QTMAN: variants seen among roughly 807,000 people sequenced by gnomAD.
QTMAN encodes tRNA-queuosine alpha-mannosyltransferase.
chr2:144,043,631 G>GC, the QTMAN span, among the ~76,000 whole-genome samples: 1 of 135,574 alleles, frequency 7.4e-6, no homozygotes, highest in Non-Finnish European at 1.5e-5. Flanking sequence ...AGACTCCGTC[G>GC]CAAAAAAAAA....
the QTMAN span, chr2:143,938,309 A>G: frequency 6.6e-6 from 1 of 152,210 alleles, no homozygotes; most frequent in African/African-American, 2.4e-5. Context: ...GATTTAAGAT[A>G]CTGGTTAAAC....
the QTMAN span, among the ~76,000 whole-genome samples, chr2:144,205,822 A>C: frequency 6.6e-6 from 1 of 152,238 alleles, no homozygotes; most frequent in Non-Finnish European, 1.5e-5. Context: ...TTAACATTTC[A>C]TAACCCAAAA....
chr2:144,066,224 T>C, the QTMAN span, among the ~76,000 whole-genome samples: 39 of 152,206 alleles, frequency 2.6e-4, no homozygotes, highest in African/African-American at 9.2e-4. Context: ...CTAGGGGAAG[T>C]GTTTGGTACT....
At chr2:144,227,301 A>G in the QTMAN span, among the ~76,000 whole-genome samples, 2 of 152,164 alleles carry the variant, frequency 1.3e-5, no homozygotes, top group African/African-American at 2.4e-5. Flanking sequence ...GTTAAAAGCA[A>G]TCACATTTCT....
the QTMAN span, among the ~76,000 whole-genome samples, chr2:143,980,489 TA>T: frequency 1.3e-5 from 2 of 152,222 alleles, no homozygotes; most frequent in African/African-American, 4.8e-5. Flanking sequence ...AAAAAGTTAG[TA>T]AATTGAATTG....
the QTMAN span, among the ~76,000 whole-genome samples, chr2:144,259,918 C>G: frequency 6.6e-6 from 1 of 152,044 alleles, no homozygotes; most frequent in Admixed American, 6.6e-5. Context: ...AAAACTAAAA[C>G]TAAATAACTG....
At chr2:143,962,335 A>T in the QTMAN span, among the ~76,000 whole-genome samples, 1 of 152,084 alleles carries the variant, frequency 6.6e-6, no homozygotes, top group Non-Finnish European at 1.5e-5. Context: ...TTAAGCAACA[A>T]ATAACACAAG....
chr2:144,113,634 C>A, the QTMAN span, among the ~76,000 whole-genome samples: 1 of 152,174 alleles, frequency 6.6e-6, no homozygotes. Flanking sequence ...GGTAAATCCC[C>A]CAGAATCCAT....
At chr2:144,167,286 C>A in the QTMAN span, among the ~76,000 whole-genome samples, 1 of 152,170 alleles carries the variant, frequency 6.6e-6, no homozygotes, top group African/African-American at 2.4e-5. Context: ...CTCAATCATC[C>A]TCACAGCTTC....
chr2:144,160,346 AAAT>A, the QTMAN span, among the ~76,000 whole-genome samples: 2 of 152,114 alleles, frequency 1.3e-5, no homozygotes, highest in East Asian at 1.9e-4. Context: ...ACAGCAATAA[AAAT>A]AATATTATCC....
chr2:143,953,729 A>G, the QTMAN span, among the ~76,000 whole-genome samples: 4 of 151,862 alleles, frequency 2.6e-5, no homozygotes, highest in Admixed American at 2.6e-4. Context: ...AATTCAAAAC[A>G]CTCTTTAAAA....
At chr2:144,186,543 G>C in the QTMAN span, among the ~76,000 whole-genome samples, 13 of 152,238 alleles carry the variant, frequency 8.5e-5, no homozygotes, top group South Asian at 1.2e-3. Flanking sequence ...TTTTGGATAA[G>C]AGTTCATTCC....
chr2:144,115,799 G>C, the QTMAN span, among the ~76,000 whole-genome samples: 1 of 152,136 alleles, frequency 6.6e-6, no homozygotes, highest in African/African-American at 2.4e-5. Context: ...CAGGATTTGT[G>C]TGTTACAATA....
At chr2:143,949,545 CAAATT>C in the QTMAN span, among the ~76,000 whole-genome samples, 2 of 151,752 alleles carry the variant, frequency 1.3e-5, 1 homozygote, top group Admixed American at 1.3e-4. Flanking sequence ...GTAAAAGGAA[CAAATT>C]AAAGAATTCA....
chr2:143,984,024 G>A, the QTMAN span, among the ~76,000 whole-genome samples: 5 of 152,042 alleles, frequency 3.3e-5, no homozygotes, highest in African/African-American at 7.2e-5. Context: ...CATGATTAAC[G>A]CAGTCACCCT....
chr2:144,013,423 T>C, the QTMAN span, among the ~76,000 whole-genome samples: 1 of 152,130 alleles, frequency 6.6e-6, no homozygotes, highest in Non-Finnish European at 1.5e-5. Context: ...GGCAGCCAGA[T>C]GGGCGGTGGC....
At chr2:144,301,370 G>T in the QTMAN span, among the ~76,000 whole-genome samples, 111 of 152,140 alleles carry the variant, frequency 7.3e-4, no homozygotes, top group Middle Eastern at 3.4e-3. Flanking sequence ...CTACAGATGC[G>T]CACCACCACG....
chr2:144,145,826 C>T, the QTMAN span: 1 of 1,109,416 alleles, frequency 9.0e-7, no homozygotes, highest in Non-Finnish European at 1.3e-6. Flanking sequence ...CCTCTTCCCA[C>T]CCCAAGAAAA....
the QTMAN span, among the ~76,000 whole-genome samples, chr2:144,092,365 C>T: frequency 3.3e-5 from 5 of 151,932 alleles, no homozygotes; most frequent in Admixed American, 2.6e-4. Flanking sequence ...TTAGTAGAGA[C>T]AGGGTTTCAC....
Sources: allele counts gnomAD v4.1 joint callset (sites outside exome capture counted in the v4.1 genomes callset), GRCh38; gene constraint gnomAD v4.1.1; transcripts MANE v1.5; gene names NCBI Gene and HGNC (gene_info 2026-07-23, HGNC 2026-07-21).